SHC3: variants seen among roughly 807,000 people sequenced by gnomAD.
SHC3 encodes the protein SHC adaptor protein 3.
A neutral mutation model predicts 60.4 loss-of-function variants in SHC3; 15 were observed. The ratio of observed to expected loss-of-function variants is 0.25; its 90% CI spans 0.17 to 0.38. SHC3 has a LOEUF of 0.38. Among genes scored for constraint, SHC3 ranks in the 10% least tolerant of loss-of-function variants. The probability of loss-of-function intolerance (pLI) is 1.00; values close to 1 mark genes in which losing one functional copy is unlikely to be tolerated. For missense variants in SHC3, 677 were observed against 786.1 expected, an observed-to-expected ratio of 0.86 and a Z score of 1.66; for synonymous variants, 294 against 325.9, an observed-to-expected ratio of 0.90 and a Z score of 1.05.
chr9:89,113,479 G>A (rs1426290287), intron 1 of SHC3, among the ~76,000 whole-genome samples: 1 of 152,024 alleles, frequency 6.6e-6, no homozygotes, highest in Non-Finnish European at 1.5e-5. Flanking sequence ...GACAGAGCGA[G>A]ACTCCATCTC....
At chr9:89,027,865 A>G (rs1826347082) in intron 11 of SHC3, among the ~76,000 whole-genome samples, 1 of 152,048 alleles carries the variant, frequency 6.6e-6, no homozygotes, top group Non-Finnish European at 1.5e-5. Context: ...GAGGAGAGGG[A>G]CCCTTGCAAC....
At chr9:89,139,914 T>C (rs1826368699) in intron 1 of SHC3, among the ~76,000 whole-genome samples, 1 of 152,166 alleles carries the variant, frequency 6.6e-6, no homozygotes, top group Non-Finnish European at 1.5e-5. Flanking sequence ...AATTGAACAA[T>C]TTTCAAAACT....
At chr9:89,046,380 A>G (rs961724897) in intron 8 of SHC3, among the ~76,000 whole-genome samples, 1 of 152,210 alleles carries the variant, frequency 6.6e-6, no homozygotes, top group Non-Finnish European at 1.5e-5. Flanking sequence ...CAGAAATATC[A>G]TAACTCTAGA....
chr9:89,013,362 C>T lies in SHC3; in HGVS notation c.*85G>A. The T allele has an allele frequency of 2.2e-6, 3 of 1,380,698 alleles. No individual in the cohort carries two copies. Among genetic ancestry groups the T allele is most frequent in the Non-Finnish European group, 2.8e-6 (3 of 1,057,180 alleles). 85.5% of individuals were successfully genotyped at this position (1,380,698 alleles called of 1,614,324 possible). A position where few individuals can be genotyped will look rare whatever the true frequency, so the allele number is the denominator to read the frequency against. On this transcript the variant is annotated 3_prime_UTR_variant, in exon 12 of 12. Transcript: ENST00000375835. The stretch of plus-strand genomic sequence containing the variant: ...GAAGAAGGCTCTGAGCCACAGGCAG[C>T]TGTCCCAGTTCCAGCAGCCCCGATT...
Position 89,077,834 on chromosome 9 carries a change from C to T in SHC3, c.609+6G>A, listed in dbSNP as rs1367788027. 1.2e-6 allele frequency: 2 copies of T among 1,614,200 alleles called. No individual in the cohort carries two copies. Among genetic ancestry groups the T allele is most frequent in the Non-Finnish European group, 8.5e-7 (1 of 1,180,022 alleles). On this transcript the variant is annotated splice_donor_region_variant and intron_variant, in intron 3 of 11. Transcript: ENST00000375835. Reference sequence around the variant, plus strand: ...ACAGTTAGACACAGAGCATTGAGGACAGTACCTTTCTCTTCTTGAAGGCTC... The same window carrying T: ...ACAGTTAGACACAGAGCATTGAGGATAGTACCTTTCTCTTCTTGAAGGCTC...
At chr9:89,093,700 G>A (rs1404952510) in intron 2 of SHC3, among the ~76,000 whole-genome samples, 1 of 148,950 alleles carries the variant, frequency 6.7e-6, no homozygotes, top group African/African-American at 2.5e-5. Flanking sequence ...GGAGGGGTGT[G>A]TTACTGATGG....
intron 2 of SHC3, among the ~76,000 whole-genome samples, chr9:89,080,162 T>C (rs980176846): frequency 2.5e-4 from 38 of 152,184 alleles, no homozygotes; most frequent in African/African-American, 8.4e-4. Flanking sequence ...ACTGTTTCCA[T>C]TTGTTCGTTT....
rs1330934823 is a variant in SHC3 at position 89,008,884 on chromosome 9, G to C, written c.*4563C>G. ...AGCTTCCTTCTCTCCCTACTTCCGGGATCTTCACTCAAATAAACTACATAA... is the reference window on the plus strand; with the variant it reads ...AGCTTCCTTCTCTCCCTACTTCCGGCATCTTCACTCAAATAAACTACATAA... On this transcript the variant is annotated 3_prime_UTR_variant, in exon 12 of 12. Transcript: ENST00000375835. 6.6e-6 allele frequency: 1 copy of C among 152,134 alleles called. No homozygotes were observed. The highest frequency in any genetic ancestry group is 2.4e-5 in the African/African-American group (1 of 41,402). The allele number at this position is 152,134 out of a possible 1,614,324, so 9.4% of individuals were successfully genotyped here. A position where few individuals can be genotyped will look rare whatever the true frequency, so the allele number is the denominator to read the frequency against.
Position 89,084,084 on chromosome 9 carries a change from A to C in SHC3, c.546-6181T>G, listed in dbSNP as rs12349008. Among the ~76,000 whole-genome samples, 197 of 152,338 alleles carry C rather than the reference A, an allele frequency of 1.3e-3. 1 individual carries two copies. Among genetic ancestry groups the C allele is most frequent in the African/African-American group, 4.6e-3 (193 of 41,576 alleles). On this transcript the variant is annotated intron_variant, in intron 2 of 11. Transcript: ENST00000375835. ...AATACCATAAACCTGATTTTTTAAAAAGTCATTTGACCAAGATGTGTTGAA... is the reference window on the plus strand; with the variant it reads ...AATACCATAAACCTGATTTTTTAAACAGTCATTTGACCAAGATGTGTTGAA...
At position 89,038,048 on chromosome 9, in the gene SHC3, G is replaced by T; in HGVS notation, c.1601C>A (p.Thr534Lys). 1 of 1,613,696 alleles carries T rather than the reference G, an allele frequency of 6.2e-7. No individual in the cohort carries two copies. Among genetic ancestry groups the T allele is most frequent in the Non-Finnish European group, 8.5e-7 (1 of 1,180,034 alleles). The change falls in exon 11 of 12, where the codon ACG becomes AAG. Residue 534 changes from threonine (T) to lysine (K), a missense_variant. Transcript: ENST00000375835. ...STTNPGSFVLTGMHNGQAKHL... is the reference protein window; with the variant it reads ...STTNPGSFVLKGMHNGQAKHL... ...CTTGGCCTGGCCATTGTGCATGCCC[G>T]TGAGGACAAAGGAGCCCGGGTTGGT...
intron 2 of SHC3, among the ~76,000 whole-genome samples, chr9:89,110,986 TC>T (rs1825939288): frequency 1.3e-5 from 2 of 152,196 alleles, no homozygotes; most frequent in South Asian, 4.2e-4. Flanking sequence ...ATTCACTTGT[TC>T]CCCCACCCCA....
chr9:89,087,137 A>C (rs937376939), intron 2 of SHC3, among the ~76,000 whole-genome samples: 3 of 152,206 alleles, frequency 2.0e-5, no homozygotes, highest in African/African-American at 7.2e-5. Context: ...GGAAGTCCAC[A>C]GGAGAACTGG....
chr9:89,077,160 G>A (rs1051538639), intron 3 of SHC3, among the ~76,000 whole-genome samples: 2 of 150,664 alleles, frequency 1.3e-5, no homozygotes, highest in Admixed American at 6.6e-5. Context: ...CCGGGGGATA[G>A]AGCGAGACTC....
intron 10 of SHC3, among the ~76,000 whole-genome samples, chr9:89,039,548 G>A (rs533848940): frequency 5.9e-5 from 9 of 152,006 alleles, no homozygotes; most frequent in East Asian, 3.9e-4. Context: ...CATCAACATC[G>A]TCAGCATCAT....
chr9:89,126,015 T>C (rs1121761), intron 1 of SHC3, among the ~76,000 whole-genome samples: 2,085 of 152,270 alleles, frequency 0.014, 48 homozygotes, highest in African/African-American at 0.045. Context: ...TTGTGCGAGA[T>C]CCAAGAACCC....
At chr9:89,043,164 C>T (rs919104028) in intron 9 of SHC3, among the ~76,000 whole-genome samples, 4 of 152,148 alleles carry the variant, frequency 2.6e-5, no homozygotes, top group African/African-American at 9.7e-5. Context: ...TGGTTCAGGG[C>T]TTTTTAAAAA....
At chr9:89,168,736 A>G (rs1032576556) in intron 1 of SHC3, among the ~76,000 whole-genome samples, 3 of 152,152 alleles carry the variant, frequency 2.0e-5, no homozygotes, top group Non-Finnish European at 1.5e-5. Context: ...TGTCTGTGAG[A>G]GTTTTTTCCT....
At chr9:89,166,631 G>C (rs1039402064) in intron 1 of SHC3, among the ~76,000 whole-genome samples, 1 of 152,104 alleles carries the variant, frequency 6.6e-6, no homozygotes, top group Non-Finnish European at 1.5e-5. Context: ...ATACGAGGGG[G>C]CACCAATGAA....
chr9:89,018,187 C>T (rs1826128633), intron 11 of SHC3, among the ~76,000 whole-genome samples: 1 of 152,208 alleles, frequency 6.6e-6, no homozygotes, highest in African/African-American at 2.4e-5. Flanking sequence ...AAGACCCATG[C>T]ACACGTGCGT....
Sources: gnomAD v4.1 joint callset for allele counts (sites outside exome capture counted in the v4.1 genomes callset) on GRCh38, gnomAD v4.1.1 for gene constraint, MANE v1.5 for transcripts, NCBI Gene and HGNC (gene_info 2026-07-23, HGNC 2026-07-21) for gene names.